The following FAM241A variants were observed in gnomAD, a reference collection of about 807,000 sequenced individuals.
FAM241A encodes the protein family with sequence similarity 241 member A, also known as uncharacterized protein FAM241A.
A neutral mutation model predicts 12.2 loss-of-function variants in FAM241A; 7 were observed. The observed-to-expected ratio is 0.58, with a 90% confidence interval of 0.33 to 1.08. The LOEUF is 1.08. FAM241A is among the 50% of genes least tolerant of loss of function. The pLI, the probability that FAM241A is intolerant of heterozygous loss-of-function variation, is 0.04. For missense variants in FAM241A, 161 were observed against 169.7 expected (o/e 0.95, Z 0.29); for synonymous variants, 74 against 68.2 (o/e 1.08, Z -0.42).
At chr4:112,178,969 A>G (rs1723875020) in intron 1 of FAM241A, among the ~76,000 whole-genome samples, 1 of 152,200 alleles carries the variant, frequency 6.6e-6, no homozygotes, top group South Asian at 2.1e-4. Context: ...AAAAGTCAGA[A>G]AACAGATGCT....
At chr4:112,186,149 TA>T (rs879646909) in intron 1 of FAM241A, among the ~76,000 whole-genome samples, 190 of 144,910 alleles carry the variant, frequency 1.3e-3, no homozygotes, top group African/African-American at 1.7e-3. Flanking sequence ...GGCCTTATTG[TA>T]AAAAAAAAAA....
At chr4:112,169,138 C>G (rs1723665262) in intron 1 of FAM241A, among the ~76,000 whole-genome samples, 1 of 152,152 alleles carries the variant, frequency 6.6e-6, no homozygotes, top group Non-Finnish European at 1.5e-5. Context: ...TTTACAAAAT[C>G]ATGAATGTTG....
rs2110437578 is a variant in FAM241A, at chr4:112,188,585, T to G, written c.*1647T>G. ...TATAGTAGCCTTTATGAACTCAGTA[T>G]AAGTGCAAGTTGTTTGAAAAGGTGT... On this transcript the variant is annotated 3_prime_UTR_variant, in exon 2 of 2. Transcript: ENST00000309733. The G allele has an allele frequency of 2.0e-5, 3 of 152,312 alleles. No homozygotes were observed. The Middle Eastern group carries it at 0.01, about 518-fold the overall frequency. The allele number at this position is 152,312 out of a possible 1,614,324, so 9.4% of individuals were successfully genotyped here.
intron 1 of FAM241A, among the ~76,000 whole-genome samples, chr4:112,185,634 C>T (rs1724021748): frequency 1.3e-5 from 2 of 152,166 alleles, no homozygotes. Flanking sequence ...CTTTTGAGAA[C>T]AGGTCACTGC....
At chr4:112,147,887 G>A (rs1380171077) in intron 1 of FAM241A, among the ~76,000 whole-genome samples, 1 of 152,014 alleles carries the variant, frequency 6.6e-6, no homozygotes, top group Non-Finnish European at 1.5e-5. Context: ...TCTTCCTGCC[G>A]TCTTTTCTAC....
At chr4:112,160,419 AG>A (rs1044677676) in intron 1 of FAM241A, among the ~76,000 whole-genome samples, 1 of 151,400 alleles carries the variant, frequency 6.6e-6, no homozygotes, top group African/African-American at 2.4e-5. Context: ...AAAAAAAAAA[AG>A]GAAAGATATT....
chr4:112,157,749 T>C (rs991274553), intron 1 of FAM241A, among the ~76,000 whole-genome samples: 1 of 152,088 alleles, frequency 6.6e-6, no homozygotes, highest in Non-Finnish European at 1.5e-5. Flanking sequence ...TTCCAAAAAA[T>C]TTTGGTGAGA....
chr4:112,147,879 T>C (rs146784324), intron 1 of FAM241A, among the ~76,000 whole-genome samples: 1 of 152,228 alleles, frequency 6.6e-6, no homozygotes, highest in East Asian at 1.9e-4. Context: ...AGAGGCCATC[T>C]TCCTGCCGTC....
Position 112,145,593 on chromosome 4 carries a change from G to C in FAM241A, c.13G>C (p.Gly5Arg), listed in dbSNP as rs1228969265. The C allele has an allele frequency of 3.2e-6, 4 of 1,246,900 alleles. No individual in the cohort carries two copies. The highest frequency in any genetic ancestry group is 3.8e-5 in the Admixed American group (1 of 26,450). The allele number at this position is 1,246,900 out of a possible 1,614,324, so 77.2% of individuals were successfully genotyped here. A position where few individuals can be genotyped will look rare whatever the true frequency, so the allele number is the denominator to read the frequency against. The change falls in exon 1 of 2, where the codon GGG becomes CGG. Residue 5 changes from glycine (G) to arginine (R), a missense_variant. Coordinates refer to ENST00000309733, the MANE Select transcript of FAM241A (RefSeq NM_152400.3). ...AGTTGGCTGCGGGATGTGCTCAGCCGGGGAGCTGCTGCGGGGCGGCGACGG... is the reference window on the plus strand; with the variant it reads ...AGTTGGCTGCGGGATGTGCTCAGCCCGGGAGCTGCTGCGGGGCGGCGACGG... MCSAGELLRGGDGGE... is the reference protein window; with the variant it reads MCSARELLRGGDGGE...
chr4:112,145,669 G>C lies in FAM241A; in HGVS notation c.89G>C (p.Gly30Ala). 8.2e-7 allele frequency: 1 copy of C among 1,214,876 alleles called. No homozygotes were observed. Among genetic ancestry groups the C allele is most frequent in the Non-Finnish European group, 1.0e-6 (1 of 976,614 alleles). The allele number at this position is 1,214,876 out of a possible 1,614,324, so 75.3% of individuals were successfully genotyped here. The change falls in exon 1 of 2, where the codon GGG becomes GCG. Residue 30 changes from glycine (G) to alanine (A), a missense_variant. Gly to Ala is a moderately conservative substitution (Grantham distance 60). Coordinates refer to ENST00000309733, the MANE Select transcript of FAM241A (RefSeq NM_152400.3). ...GCGCTGGCGGAGCGGGAGGCGGCAGGGACCGGGTGGGATCCCGGGGCGAGC... is the reference window on the plus strand; with the variant it reads ...GCGCTGGCGGAGCGGGAGGCGGCAGCGACCGGGTGGGATCCCGGGGCGAGC... ...GDALAEREAA[G>A]TGWDPGASPR...
intron 1 of FAM241A, chr4:112,171,553 G>A: frequency 1.3e-6 from 1 of 742,628 alleles, no homozygotes; most frequent in Non-Finnish European, 2.5e-6. Context: ...GTTTTATTAT[G>A]AAGACTATAA....
chr4:112,154,249 A>G (rs1723306658), intron 1 of FAM241A, among the ~76,000 whole-genome samples: 1 of 152,060 alleles, frequency 6.6e-6, no homozygotes, highest in Non-Finnish European at 1.5e-5. Flanking sequence ...TAAGTTTGAT[A>G]CTTTATTTTT....
intron 1 of FAM241A, among the ~76,000 whole-genome samples, chr4:112,170,597 A>G (rs1470459505): frequency 6.6e-6 from 1 of 152,216 alleles, no homozygotes; most frequent in Non-Finnish European, 1.5e-5. Context: ...TACACTGGAC[A>G]AAAGCATGAG....
intron 1 of FAM241A, among the ~76,000 whole-genome samples, chr4:112,184,906 A>C (rs1225961051): frequency 6.6e-6 from 1 of 152,186 alleles, no homozygotes; most frequent in Non-Finnish European, 1.5e-5. Context: ...TACTAAAAGA[A>C]TGTAAGTTTG....
intron 1 of FAM241A, among the ~76,000 whole-genome samples, chr4:112,170,319 C>T (rs1723690816): frequency 6.6e-6 from 1 of 152,158 alleles, no homozygotes; most frequent in African/African-American, 2.4e-5. Context: ...GATGATAGTA[C>T]TGAACCCTAT....
At chr4:112,183,405 T>C (rs1307416719) in intron 1 of FAM241A, among the ~76,000 whole-genome samples, 1 of 152,152 alleles carries the variant, frequency 6.6e-6, no homozygotes, top group Non-Finnish European at 1.5e-5. Context: ...TGAGATAATG[T>C]GAGCATTGCT....
chr4:112,145,947 C>T (rs1228221557), intron 1 of FAM241A, among the ~76,000 whole-genome samples: 1 of 151,850 alleles, frequency 6.6e-6, no homozygotes, highest in South Asian at 2.1e-4. Context: ...ACGCCAGCGC[C>T]GGCCCCGGGG....
chr4:112,157,615 A>G (rs1015908095), intron 1 of FAM241A, among the ~76,000 whole-genome samples: 1 of 152,106 alleles, frequency 6.6e-6, no homozygotes, highest in African/African-American at 2.4e-5. Flanking sequence ...CATTCAGTGT[A>G]CATGTGAAAG....
intron 1 of FAM241A, among the ~76,000 whole-genome samples, chr4:112,152,460 A>G (rs1723263247): frequency 6.6e-6 from 1 of 152,236 alleles, no homozygotes; most frequent in South Asian, 2.1e-4. Context: ...TCCAATAGAT[A>G]GGTTAAAATT....
Sources: allele counts gnomAD v4.1 joint callset (sites outside exome capture counted in the v4.1 genomes callset), GRCh38; gene constraint gnomAD v4.1.1; transcripts MANE v1.5; gene names NCBI Gene and HGNC (gene_info 2026-07-23, HGNC 2026-07-21).